The following ZNF804B variants were observed in gnomAD, a reference collection of about 807,000 sequenced individuals.
ZNF804B encodes the protein zinc finger 804B.
Under a neutral mutation model 101.4 loss-of-function variants are expected in ZNF804B, and 80 were observed. The observed-to-expected ratio is 0.79, with a 90% CI of 0.66 to 0.95. The LOEUF (loss-of-function observed/expected upper bound fraction) is 0.95, where lower values mean the gene tolerates loss of function less well. ZNF804B is among the 40% of genes least tolerant of loss of function. The pLI is 0.00. For missense variants in ZNF804B, 1,673 were observed against 1,561.9 expected, an observed-to-expected ratio of 1.07 and a Z score of -1.20; for synonymous variants, 622 against 558.8, an observed-to-expected ratio of 1.11 and a Z score of -1.59.
At chr7:89,256,747 G>A (rs1373770743) in intron 2 of ZNF804B, among the ~76,000 whole-genome samples, 1 of 152,076 alleles carries the variant, frequency 6.6e-6, no homozygotes, top group Non-Finnish European at 1.5e-5. Context: ...CTCATAGGTG[G>A]AAAAATTACA....
chr7:89,117,079 G>A (rs1042010372), intron 1 of ZNF804B, among the ~76,000 whole-genome samples: 6 of 152,148 alleles, frequency 3.9e-5, no homozygotes, highest in Non-Finnish European at 7.3e-5. Flanking sequence ...ATTGGATGAT[G>A]TGCCAGATGA....
At position 89,152,891 on chromosome 7, in the gene ZNF804B, C is replaced by A. The variant is rs924840169; in HGVS notation, c.109-65264C>A. ...GCTAGGGTCTGCTTGAGATCCATGA[C>A]CATCTGTTCTGATTGGCCTTTGCCC... On this transcript the variant is annotated intron_variant, in intron 1 of 3. Coordinates refer to ENST00000333190, the MANE Select transcript of ZNF804B (RefSeq NM_181646.5). Among the ~76,000 whole-genome samples the A allele has an allele frequency of 3.3e-5, 5 of 152,226 alleles. 1 individual carries two copies. Among genetic ancestry groups the A allele is most frequent in the Middle Eastern group, 6.8e-3 (2 of 294 alleles).
intron 2 of ZNF804B, among the ~76,000 whole-genome samples, chr7:89,241,717 G>C (rs566067200): frequency 6.6e-6 from 1 of 151,950 alleles, no homozygotes; most frequent in Non-Finnish European, 1.5e-5. Context: ...ATAAATCTGA[G>C]GGTTGCATAT....
chr7:88,867,046 A>G (rs1791737324), intron 1 of ZNF804B, among the ~76,000 whole-genome samples: 1 of 152,232 alleles, frequency 6.6e-6, no homozygotes, highest in Admixed American at 6.5e-5. Context: ...GACTCTTATT[A>G]GTGGAATGAT....
intron 1 of ZNF804B, among the ~76,000 whole-genome samples, chr7:88,971,129 T>A (rs1163578714): frequency 2.6e-5 from 4 of 151,700 alleles, no homozygotes; most frequent in Middle Eastern, 3.4e-3. Flanking sequence ...TAGCAGATGG[T>A]CTTAAAAGCC....
intron 2 of ZNF804B, among the ~76,000 whole-genome samples, chr7:89,256,024 G>T (rs1271260352): frequency 6.6e-6 from 1 of 151,956 alleles, no homozygotes; most frequent in Non-Finnish European, 1.5e-5. Flanking sequence ...AGTATTAAAA[G>T]CACATTAGTA....
chr7:89,229,761 A>C (rs1789159754), intron 2 of ZNF804B, among the ~76,000 whole-genome samples: 2 of 152,242 alleles, frequency 1.3e-5, no homozygotes, highest in African/African-American at 4.8e-5. Flanking sequence ...ATAAGAGTAT[A>C]CATTCGTCTC....
chr7:88,932,217 C>G (rs1430957123), intron 1 of ZNF804B, among the ~76,000 whole-genome samples: 2 of 151,632 alleles, frequency 1.3e-5, no homozygotes, highest in African/African-American at 4.8e-5. Context: ...CATTCAGATC[C>G]CTCTCAGCAT....
At chr7:89,070,682 C>T (rs549828469) in intron 1 of ZNF804B, among the ~76,000 whole-genome samples, 9 of 152,176 alleles carry the variant, frequency 5.9e-5, no homozygotes, top group Non-Finnish European at 1.2e-4. Context: ...GCCTGGCCTA[C>T]AGTAAGAATT....
intron 1 of ZNF804B, among the ~76,000 whole-genome samples, chr7:89,194,135 C>A (rs1440279058): frequency 2.0e-5 from 3 of 151,916 alleles, no homozygotes; most frequent in South Asian, 4.2e-4. Flanking sequence ...CTGTTCTTGT[C>A]CTTTGCCCAC....
chr7:88,874,154 G>A (rs1300642171), intron 1 of ZNF804B, among the ~76,000 whole-genome samples: 1 of 151,988 alleles, frequency 6.6e-6, no homozygotes, highest in Non-Finnish European at 1.5e-5. Context: ...CTTGAGCAGT[G>A]GTTTGTAGTT....
intron 1 of ZNF804B, among the ~76,000 whole-genome samples, chr7:89,171,300 T>G (rs146656124): frequency 0.039 from 2,672 of 67,868 alleles, 73 homozygotes; most frequent in African/African-American, 0.067. Flanking sequence ...TTCTTCTTCT[T>G]CTTCTTCTTC....
chr7:88,854,390 T>TCTTTCTTTCTTTCTTTCTTC (rs1562812475), intron 1 of ZNF804B, among the ~76,000 whole-genome samples: 4 of 140,094 alleles, frequency 2.9e-5, no homozygotes, highest in African/African-American at 5.7e-5. Flanking sequence ...GTACTGCATT[T>TCTTTCTTTCTTTCTTTCTTC]CTTTCTTTCT....
At position 89,336,872 on chromosome 7, in the gene ZNF804B, G is replaced by A; in HGVS notation, c.3890G>A (p.Gly1297Asp). ...PPTAFIPTLF[G>D]PHLNPATTSI... ...ACAGCATTTATTCCTACATTGTTTG[G>A]TCCTCACTTAAATCCAGCCACAACT... The change falls in exon 4 of 4, where the codon GGT (glycine) becomes GAT (aspartate). Residue 1297 changes from glycine to aspartate, a missense_variant. Coordinates refer to ENST00000333190, the MANE Select transcript of ZNF804B (RefSeq NM_181646.5). 1.2e-6 allele frequency: 2 copies of A among 1,613,824 alleles called. No individual in the cohort carries two copies. Among genetic ancestry groups the A allele is most frequent in the Non-Finnish European group, 1.7e-6 (2 of 1,179,960 alleles).
At chr7:89,149,215 A>G (rs1033561934) in intron 1 of ZNF804B, among the ~76,000 whole-genome samples, 2 of 152,066 alleles carry the variant, frequency 1.3e-5, no homozygotes, top group African/African-American at 4.8e-5. Flanking sequence ...AGTATTTTAA[A>G]TCAATTTCTC....
chr7:89,025,869 A>G (rs1462069910), intron 1 of ZNF804B, among the ~76,000 whole-genome samples: 1 of 152,190 alleles, frequency 6.6e-6, no homozygotes, highest in African/African-American at 2.4e-5. Context: ...TACGATTTTT[A>G]AAAGGCAAAG....
At chr7:89,246,817 C>A (rs966256162) in intron 2 of ZNF804B, among the ~76,000 whole-genome samples, 1 of 152,154 alleles carries the variant, frequency 6.6e-6, no homozygotes, top group Non-Finnish European at 1.5e-5. Flanking sequence ...AGGCATATCT[C>A]CAGATATTAA....
intron 1 of ZNF804B, among the ~76,000 whole-genome samples, chr7:89,140,182 G>A (rs79746901): frequency 0.016 from 2,393 of 151,972 alleles, 50 homozygotes; most frequent in African/African-American, 0.054. Context: ...AAAAAATCCT[G>A]GACTTAAAAT....
chr7:89,311,739 C>T (rs1371688097), intron 2 of ZNF804B, among the ~76,000 whole-genome samples: 1 of 152,162 alleles, frequency 6.6e-6, no homozygotes, highest in East Asian at 1.9e-4. Flanking sequence ...TCCACTTACT[C>T]ATCACCAAGG....
Sources: allele counts gnomAD v4.1 joint callset (sites outside exome capture counted in the v4.1 genomes callset), GRCh38; gene constraint gnomAD v4.1.1; transcripts MANE v1.5; gene names NCBI Gene and HGNC (gene_info 2026-07-23, HGNC 2026-07-21).